The following PCDH9 variants were observed in gnomAD, a reference collection of about 807,000 sequenced individuals.
PCDH9 encodes the protein protocadherin-9.
Under a neutral mutation model 70.6 loss-of-function variants are expected in PCDH9, and 24 were observed. The observed-to-expected ratio is 0.34, with a 90% confidence interval of 0.25 to 0.48. The LOEUF (loss-of-function observed/expected upper bound fraction) is 0.48. Among genes scored for constraint, PCDH9 ranks in the 20% least tolerant of loss-of-function variants. The probability of loss-of-function intolerance (pLI) is 0.99; values close to 1 mark genes in which losing one functional copy is unlikely to be tolerated. For synonymous variants in PCDH9, 562 were observed against 558.5 expected, an observed-to-expected ratio of 1.01 and a Z score of -0.09; for missense variants, 1,281 against 1,503.6, an observed-to-expected ratio of 0.85 and a Z score of 2.45.
chr13:66,819,476 TA>T (rs1052680591), intron 3 of PCDH9, among the ~76,000 whole-genome samples: 3 of 152,148 alleles, frequency 2.0e-5, no homozygotes, highest in African/African-American at 7.2e-5. Flanking sequence ...TTTACTACGA[TA>T]AAAAATATGA....
At chr13:67,021,102 T>G (rs1454260744) in intron 2 of PCDH9, among the ~76,000 whole-genome samples, 1 of 152,240 alleles carries the variant, frequency 6.6e-6, no homozygotes, top group African/African-American at 2.4e-5. Flanking sequence ...AGTTTCAGTC[T>G]TCCTTTACAT....
At chr13:66,879,442 C>A (rs929080744) in intron 3 of PCDH9, among the ~76,000 whole-genome samples, 1 of 151,986 alleles carries the variant, frequency 6.6e-6, no homozygotes, top group African/African-American at 2.4e-5. Context: ...GGGAGCCTGG[C>A]AGAATAAATA....
intron 2 of PCDH9, among the ~76,000 whole-genome samples, chr13:66,918,340 G>A (rs997205747): frequency 2.0e-5 from 3 of 151,068 alleles, no homozygotes; most frequent in South Asian, 2.1e-4. Flanking sequence ...CCACGAGATC[G>A]CTATTTTAAT....
At chr13:66,591,473 C>CA (rs907543986) in intron 4 of PCDH9, among the ~76,000 whole-genome samples, 10 of 124,456 alleles carry the variant, frequency 8.0e-5, no homozygotes, top group East Asian at 2.5e-4. Flanking sequence ...AAAAAAAAAA[C>CA]AAAAAAAAAA....
At chr13:66,327,473 TTG>T (rs1443222398) in intron 4 of PCDH9, among the ~76,000 whole-genome samples, 2 of 152,194 alleles carry the variant, frequency 1.3e-5, no homozygotes, top group African/African-American at 4.8e-5. Flanking sequence ...ACTATGTCCT[TTG>T]TGTGTCTTCC....
chr13:67,120,020 A>G (rs1395272202), intron 2 of PCDH9, among the ~76,000 whole-genome samples: 1 of 151,988 alleles, frequency 6.6e-6, no homozygotes, highest in Non-Finnish European at 1.5e-5. Flanking sequence ...TTTATAACTT[A>G]AAACATCACT....
intron 3 of PCDH9, among the ~76,000 whole-genome samples, chr13:66,798,189 A>G (rs1327679387): frequency 6.6e-6 from 1 of 152,134 alleles, no homozygotes; most frequent in Non-Finnish European, 1.5e-5. Flanking sequence ...CACAAATACA[A>G]TCCTATGAAA....
chr13:66,373,919 T>C (rs1259297007), intron 4 of PCDH9, among the ~76,000 whole-genome samples: 1 of 152,110 alleles, frequency 6.6e-6, no homozygotes, highest in Non-Finnish European at 1.5e-5. Context: ...TAATACCTGC[T>C]TATATCATAG....
At chr13:66,659,524 C>T (rs972876453) in intron 3 of PCDH9, among the ~76,000 whole-genome samples, 5 of 64,522 alleles carry the variant, frequency 7.7e-5, no homozygotes, top group African/African-American at 3.4e-4. Flanking sequence ...GTTTATCCCT[C>T]CACTTAAGTT....
At chr13:66,626,618 C>T (rs1438201403) in intron 4 of PCDH9, among the ~76,000 whole-genome samples, 1 of 152,012 alleles carries the variant, frequency 6.6e-6, no homozygotes, top group Non-Finnish European at 1.5e-5. Flanking sequence ...TTCTGTCATA[C>T]CAATGCAATA....
chr13:66,361,672 T>A (rs937394380), intron 4 of PCDH9, among the ~76,000 whole-genome samples: 5 of 152,172 alleles, frequency 3.3e-5, no homozygotes, highest in African/African-American at 1.2e-4. Context: ...AAAAACACCC[T>A]ATTGTATAAA....
chr13:66,486,170 G>A (rs78713769), intron 4 of PCDH9, among the ~76,000 whole-genome samples: 18,177 of 152,106 alleles, frequency 0.12, 1,279 homozygotes, highest in Middle Eastern at 0.22. Flanking sequence ...GGCCAGATGC[G>A]ATGGCTCATG....
intron 4 of PCDH9, among the ~76,000 whole-genome samples, chr13:66,561,347 A>C (rs1287965891): frequency 6.6e-6 from 1 of 152,062 alleles, no homozygotes; most frequent in Non-Finnish European, 1.5e-5. Context: ...CTCCCGGAGG[A>C]GTGCCGCCCC....
At chr13:66,411,443 C>A (rs745364100) in intron 4 of PCDH9, among the ~76,000 whole-genome samples, 1 of 152,170 alleles carries the variant, frequency 6.6e-6, no homozygotes, top group Non-Finnish European at 1.5e-5. Context: ...CATCCCACCA[C>A]ATCCAGCTAA....
At chr13:66,643,397 A>AT (rs1021303066) in intron 3 of PCDH9, among the ~76,000 whole-genome samples, 6 of 151,188 alleles carry the variant, frequency 4.0e-5, no homozygotes, top group South Asian at 2.1e-4. Flanking sequence ...GCTGGACTTC[A>AT]TTTTTTTTTA....
At chr13:67,185,311 A>G (rs1378741825) in intron 2 of PCDH9, among the ~76,000 whole-genome samples, 1 of 152,146 alleles carries the variant, frequency 6.6e-6, no homozygotes, top group Non-Finnish European at 1.5e-5. Flanking sequence ...ATCATCATCA[A>G]CTGTGTATGA....
chr13:67,076,265 A>G (rs2085875783), intron 2 of PCDH9, among the ~76,000 whole-genome samples: 1 of 152,128 alleles, frequency 6.6e-6, no homozygotes, highest in African/African-American at 2.4e-5. Context: ...GTGAGTTCCT[A>G]TATGGAGATT....
chr13:66,926,019 G>T (rs2082712317), intron 2 of PCDH9, among the ~76,000 whole-genome samples: 1 of 151,932 alleles, frequency 6.6e-6, no homozygotes. Context: ...TAGAAAACTA[G>T]TTTCCTCACG....
intron 2 of PCDH9, among the ~76,000 whole-genome samples, chr13:66,937,976 T>C (rs548772259): frequency 2.0e-5 from 3 of 152,360 alleles, no homozygotes; most frequent in Non-Finnish European, 4.4e-5. Context: ...TATTTTATCA[T>C]GCCTAATGCC....
Sources: gnomAD v4.1 joint callset for allele counts (sites outside exome capture counted in the v4.1 genomes callset) on GRCh38, gnomAD v4.1.1 for gene constraint, MANE v1.5 for transcripts, NCBI Gene and HGNC (gene_info 2026-07-23, HGNC 2026-07-21) for gene names.